Variants in CCDC102B observed in about 807,000 individuals in gnomAD.
CCDC102B encodes the protein coiled-coil domain containing 102B.
Under a neutral mutation model 57.4 loss-of-function variants are expected in CCDC102B, and 75 were observed. The observed-to-expected ratio is 1.31, with a 90% CI of 1.08 to 1.58. The LOEUF (loss-of-function observed/expected upper bound fraction) is 1.58. Among genes scored for constraint, CCDC102B ranks in the 40% most tolerant of loss-of-function variants. CCDC102B has a pLI of 0.00. For missense variants in CCDC102B, 636 were observed against 582.6 expected, an observed-to-expected ratio of 1.09 and a Z score of -0.94; for synonymous variants, 206 against 201.9, an observed-to-expected ratio of 1.02 and a Z score of -0.17.
chr18:69,026,137 A>G (rs965519955), intron 7 of CCDC102B, among the ~76,000 whole-genome samples: 3 of 152,120 alleles, frequency 2.0e-5, no homozygotes, highest in African/African-American at 4.8e-5. Flanking sequence ...GCTTGGGTGA[A>G]AAGGAGCTGG....
At chr18:69,033,033 C>T (rs1395949633) in intron 7 of CCDC102B, among the ~76,000 whole-genome samples, 3 of 152,052 alleles carry the variant, frequency 2.0e-5, no homozygotes, top group African/African-American at 7.2e-5. Context: ...TCTGTGCCCA[C>T]TTATCAAATC....
intron 4 of CCDC102B, among the ~76,000 whole-genome samples, chr18:68,871,316 C>T (rs993372670): frequency 1.6e-4 from 24 of 152,070 alleles, no homozygotes; most frequent in East Asian, 1.3e-3. Flanking sequence ...TTCAACTTAA[C>T]GAATGTGATA....
chr18:68,923,169 GT>G lies in CCDC102B; in HGVS notation c.1263+25751del, dbSNP rs34466326. Among the ~76,000 whole-genome samples the G allele has an allele frequency of 1.3e-3, 193 of 148,812 alleles. 1 individual carries two copies. The highest frequency in any genetic ancestry group is 3.7e-3 in the African/African-American group (152 of 40,580). Reference sequence around the variant, plus strand: ...AAACATACAGAAACATACACATACAGTTTTTTTTTTACCATTCTGTCCTGTT... The same window carrying G: ...AAACATACAGAAACATACACATACAGTTTTTTTTTACCATTCTGTCCTGTT... On this transcript the variant is annotated intron_variant, in intron 6 of 7. Coordinates refer to ENST00000360242, the MANE Select transcript of CCDC102B (RefSeq NM_024781.3).
intron 1 of CCDC102B, among the ~76,000 whole-genome samples, chr18:68,815,391 T>G (rs1002567895): frequency 2.0e-5 from 3 of 152,192 alleles, no homozygotes; most frequent in African/African-American, 4.8e-5. Flanking sequence ...TAAACTGCAT[T>G]TTAATTGAAT....
At chr18:68,929,429 G>A (rs529058556) in intron 6 of CCDC102B, among the ~76,000 whole-genome samples, 75 of 152,014 alleles carry the variant, frequency 4.9e-4, no homozygotes, top group African/African-American at 1.8e-3. Flanking sequence ...GGCTGTCTTT[G>A]CATTCGTTTT....
intron 1 of CCDC102B, among the ~76,000 whole-genome samples, chr18:68,813,496 G>C (rs1268861070): frequency 6.6e-6 from 1 of 151,786 alleles, no homozygotes; most frequent in African/African-American, 2.4e-5. Flanking sequence ...GGAAGGGGAG[G>C]CCAGGAAAGA....
intron 5 of CCDC102B, among the ~76,000 whole-genome samples, chr18:68,882,150 T>C (rs2144961584): frequency 6.6e-6 from 1 of 152,334 alleles, no homozygotes; most frequent in East Asian, 1.9e-4. Context: ...TGACTTTGCA[T>C]GTTGCGCTTT....
At chr18:68,816,599 G>A (rs2036490210) in intron 1 of CCDC102B, among the ~76,000 whole-genome samples, 1 of 151,672 alleles carries the variant, frequency 6.6e-6, no homozygotes, top group African/African-American at 2.4e-5. Flanking sequence ...CTGAGTAGCT[G>A]GGACTACAGG....
At chr18:68,746,887 A>G (rs958576224) in intron 2 of CCDC102B, among the ~76,000 whole-genome samples, 1 of 152,042 alleles carries the variant, frequency 6.6e-6, no homozygotes, top group Non-Finnish European at 1.5e-5. Flanking sequence ...ATCACCTTAT[A>G]TACCCCCTTT....
chr18:68,842,259 ATGAATACAT>A lies in CCDC102B; in HGVS notation c.827+3337_827+3345del, dbSNP rs2144804033. Among the ~76,000 whole-genome samples, 4 of 151,450 alleles carry A rather than the reference ATGAATACAT, an allele frequency of 2.6e-5. No homozygotes were observed. In the South Asian group the frequency reaches 8.3e-4, roughly 31 times the overall value. ...AAAGTATATATATATATATTCCTCA[ATGAATACAT>A]TGACATGCAAATCTGGTTAATACTA... On this transcript the variant is annotated intron_variant, in intron 3 of 7. Transcript: ENST00000360242.
chr18:69,056,693 T>C (rs2052823739), downstream of CCDC102B, among the ~76,000 whole-genome samples: 5 of 88,612 alleles, frequency 5.6e-5, no homozygotes, highest in South Asian at 2.2e-3. Context: ...AGGATAGAGA[T>C]TGATAGATAC....
chr18:68,980,486 A>C (rs2050551268), intron 6 of CCDC102B, among the ~76,000 whole-genome samples: 1 of 151,932 alleles, frequency 6.6e-6, no homozygotes, highest in Admixed American at 6.6e-5. Context: ...GAAAAAACAA[A>C]TGATACCTAA....
At chr18:68,834,406 T>C (rs953310074) in intron 1 of CCDC102B, among the ~76,000 whole-genome samples, 9 of 142,626 alleles carry the variant, frequency 6.3e-5, no homozygotes, top group African/African-American at 2.3e-4. Context: ...ATAGTAAATA[T>C]ATATATGTAG....
chr18:68,956,503 TAA>T lies in CCDC102B; in HGVS notation c.1264-54430_1264-54429del, dbSNP rs1491487041. ...ATATATAATATATATATAAAATATA[TAA>T]TATATATATCGCATATTATATATAT... On this transcript the variant is annotated intron_variant, in intron 6 of 7. Transcript: ENST00000360242. Among the ~76,000 whole-genome samples, 76 of 37,314 alleles carry T rather than the reference TAA, an allele frequency of 2.0e-3. 15 individuals carry two copies. The highest frequency in any genetic ancestry group is 0.012 in the African/African-American group (42 of 3,484). 24.5% of individuals were successfully genotyped at this position (37,314 alleles called of 152,430 possible).
chr18:68,788,957 G>A (rs2035320883), intron 2 of CCDC102B, among the ~76,000 whole-genome samples: 1 of 152,192 alleles, frequency 6.6e-6, no homozygotes, highest in Non-Finnish European at 1.5e-5. Flanking sequence ...TGATTTTGCA[G>A]CGGCTGGTAC....
intron 2 of CCDC102B, among the ~76,000 whole-genome samples, chr18:68,762,187 T>A (rs1290250094): frequency 6.6e-6 from 1 of 152,114 alleles, no homozygotes; most frequent in Non-Finnish European, 1.5e-5. Context: ...TGTGCCATCA[T>A]GGGTAGCATG....
At chr18:68,936,986 A>G (rs1353390537) in intron 6 of CCDC102B, among the ~76,000 whole-genome samples, 1 of 151,980 alleles carries the variant, frequency 6.6e-6, no homozygotes, top group East Asian at 1.9e-4. Context: ...TTCTAGGGGA[A>G]ATACAGGTTT....
At chr18:68,878,201 A>G (rs1180147695) in intron 5 of CCDC102B, among the ~76,000 whole-genome samples, 3 of 152,002 alleles carry the variant, frequency 2.0e-5, no homozygotes, top group Admixed American at 6.6e-5. Context: ...GGCTCAGGCA[A>G]TTCTCTCACC....
chr18:68,816,841 T>C (rs552536164), intron 1 of CCDC102B, among the ~76,000 whole-genome samples: 1 of 152,328 alleles, frequency 6.6e-6, no homozygotes, highest in East Asian at 1.9e-4. Context: ...TTAAGATCAG[T>C]AATAATGTCT....
Sources: gnomAD v4.1 joint callset for allele counts (sites outside exome capture counted in the v4.1 genomes callset) on GRCh38, gnomAD v4.1.1 for gene constraint, MANE v1.5 for transcripts, NCBI Gene and HGNC (gene_info 2026-07-23, HGNC 2026-07-21) for gene names.